GLYR1: variants seen among roughly 807,000 people sequenced by gnomAD.
The protein encoded by GLYR1 is glyoxylate reductase 1 homolog.
GLYR1 carries 21 observed loss-of-function variants against 72.7 expected under a neutral mutation model. The ratio of observed to expected loss-of-function variants is 0.29; its 90% confidence interval spans 0.20 to 0.42. The LOEUF is 0.42. GLYR1 is among the 10% of genes least tolerant of loss of function. The pLI, the probability that GLYR1 is intolerant of heterozygous loss-of-function variation, is 1.00. For missense variants in GLYR1, 594 were observed against 712.1 expected, an observed-to-expected ratio of 0.83 and a Z score of 1.89; for synonymous variants, 392 against 270.2, an observed-to-expected ratio of 1.45 and a Z score of -4.42.
At position 4,847,256 on chromosome 16, in the gene GLYR1, C is replaced by A; in HGVS notation, c.10G>T (p.Val4Leu). 1.9e-6 allele frequency: 3 copies of A among 1,610,200 alleles called. No individual in the cohort carries two copies. The highest frequency in any genetic ancestry group is 2.5e-6 in the Non-Finnish European group (3 of 1,179,042). The change falls in exon 1 of 16, where the codon GTG becomes TTG. Residue 4 changes from valine (V) to leucine (L), a missense_variant. Physicochemically the swap from Val to Leu is conservative, Grantham distance 32. Around this residue, in one of 5 missense-constraint regions of GLYR1, gnomAD observed 62 missense variants for 82.5 expected, o/e 0.75. Transcript: ENST00000321919. The stretch of plus-strand genomic sequence containing the variant: ...ACCAAGTCGCCGAGCCGCAGACTCA[C>A]AGCCGCCATCTTACCACCCAACCAC... MAA[V>L]SLRLGDLVWG... is the part of the protein sequence containing the mutation.
At chr16:4,812,924 G>A (rs1011251421) in intron 12 of GLYR1, among the ~76,000 whole-genome samples, 1 of 149,316 alleles carries the variant, frequency 6.7e-6, no homozygotes, top group Non-Finnish European at 1.5e-5. Flanking sequence ...AGCCTCCTCA[G>A]TAGCTGGGAC....
At chr16:4,819,897 C>A (rs552800270) in intron 9 of GLYR1, among the ~76,000 whole-genome samples, 1 of 152,180 alleles carries the variant, frequency 6.6e-6, no homozygotes, top group Non-Finnish European at 1.5e-5. Context: ...TTTTGTCACT[C>A]ATTATTTGGG....
intron 1 of GLYR1, 191 bp downstream of exon 1, chr16:4,847,037 C>A: frequency 5.2e-6 from 3 of 581,212 alleles, no homozygotes; most frequent in Non-Finnish European, 9.0e-6. Flanking sequence ...ACGTGGCCAC[C>A]CTCGGCCTCG....
At chr16:4,841,031 T>C (rs1810234787) in intron 3 of GLYR1, among the ~76,000 whole-genome samples, 1 of 152,236 alleles carries the variant, frequency 6.6e-6, no homozygotes, top group South Asian at 2.1e-4. Context: ...TTCATTTTTA[T>C]AGTTTAAAAT....
rs371207336 is a variant in GLYR1, at chr16:4,805,200, G to T, written c.*36C>A. On this transcript the variant is annotated 3_prime_UTR_variant, in exon 16 of 16. Transcript: ENST00000321919. ...CCATGTGAGGAAGAGGGGGTCAGAG[G>T]GGGGATTGGAGGGGTGAGGGCGGGG... 1.6e-5 allele frequency: 25 copies of T among 1,585,154 alleles called. No individual in the cohort carries two copies. Among genetic ancestry groups the T allele is most frequent in the East Asian group, 1.3e-4 (6 of 44,734 alleles).
intron 5 of GLYR1, 42 bp from the exon 6 acceptor site, chr16:4,823,949 C>T (rs1311313994): frequency 3.9e-6 from 6 of 1,528,432 alleles, no homozygotes; most frequent in Non-Finnish European, 5.4e-6. Context: ...CACATTCAAA[C>T]CCCAACAAAA....
intron 5 of GLYR1, among the ~76,000 whole-genome samples, chr16:4,826,044 A>G (rs938629299): frequency 1.3e-5 from 2 of 151,932 alleles, no homozygotes; most frequent in African/African-American, 4.8e-5. Context: ...CTGGTGTGGT[A>G]GACACAACTT....
At chr16:4,840,514 T>C (rs1490464271) in intron 3 of GLYR1, among the ~76,000 whole-genome samples, 1 of 152,090 alleles carries the variant, frequency 6.6e-6, no homozygotes, top group African/African-American at 2.4e-5. Context: ...AACTCTCATA[T>C]TCCTTTCTTT....
At chr16:4,831,506 C>A (rs1000366021) in intron 5 of GLYR1, among the ~76,000 whole-genome samples, 1 of 152,194 alleles carries the variant, frequency 6.6e-6, no homozygotes, top group Non-Finnish European at 1.5e-5. Flanking sequence ...GAGCCTCACA[C>A]GGGCTGTGCC....
At position 4,822,913 on chromosome 16, in the gene GLYR1, G is replaced by C; in HGVS notation, c.643C>G (p.Pro215Ala). 1 of 1,614,148 alleles carries C rather than the reference G, an allele frequency of 6.2e-7. No homozygotes were observed. The highest frequency in any genetic ancestry group is 2.2e-5 in the East Asian group (1 of 44,876). Residue 215 changes from proline (P) to alanine (A), a missense_variant, in exon 7 of 16, where the codon CCT becomes GCT. Coordinates refer to ENST00000321919, the MANE Select transcript of GLYR1 (RefSeq NM_032569.4). ...CTTAGCAGGAAATGATGGAAATGAG[G>C]ATCTGCATCTTTAACAGGCTGAAAC... ...TASEPVKDADPHFHHFLLSQT... is the reference protein window; with the variant it reads ...TASEPVKDADAHFHHFLLSQT...
At chr16:4,819,531 G>C (rs1249694297) in intron 9 of GLYR1, among the ~76,000 whole-genome samples, 1 of 152,136 alleles carries the variant, frequency 6.6e-6, no homozygotes. Flanking sequence ...GGCTGGTCAT[G>C]AACTCCTGGC....
intron 3 of GLYR1, among the ~76,000 whole-genome samples, chr16:4,835,838 G>A (rs937939460): frequency 3.3e-5 from 5 of 152,032 alleles, no homozygotes; most frequent in African/African-American, 1.2e-4. Context: ...CTCAAAAACA[G>A]TAACAACAAA....
chr16:4,832,579 A>C (rs998368252), intron 4 of GLYR1, 195 bp downstream of exon 4: 1 of 673,224 alleles, frequency 1.5e-6, no homozygotes, highest in African/African-American at 1.8e-5. Flanking sequence ...AAAAGCAACA[A>C]CCTACTCCAG....
Position 4,832,840 on chromosome 16 carries a change from A to G in GLYR1, c.228T>C (p.Gly76=). 1 of 1,613,642 alleles carries G rather than the reference A, an allele frequency of 6.2e-7. No individual in the cohort carries two copies. Among genetic ancestry groups the G allele is most frequent in the South Asian group, 1.1e-5 (1 of 90,972 alleles). Residue 76 remains glycine (G), a synonymous_variant, in exon 4 of 16, where the codon GGT becomes GGC. Transcript: ENST00000321919. ...HKEEMIKINK[G]KRFQQAVDAV... is the part of the protein sequence containing the mutation. ...CATCTACCGCTTGCTGGAATCGTTT[A>G]CCCTTGTTAATTTTTATCATTTCCT... is the stretch of plus-strand genomic sequence containing the variant.
intron 3 of GLYR1, among the ~76,000 whole-genome samples, 158 bp downstream of exon 3, chr16:4,844,916 A>C (rs956982070): frequency 1.3e-5 from 2 of 152,216 alleles, no homozygotes; most frequent in Non-Finnish European, 1.5e-5. Flanking sequence ...TCTGCAAGAA[A>C]TTGCACCTTT....
At chr16:4,829,210 C>A (rs1412331083) in intron 5 of GLYR1, among the ~76,000 whole-genome samples, 1 of 152,094 alleles carries the variant, frequency 6.6e-6, no homozygotes, top group African/African-American at 2.4e-5. Flanking sequence ...AGGCCTCACA[C>A]TGGCAGCCCA....
intron 6 of GLYR1, 124 bp from the exon 7 acceptor site, chr16:4,823,055 G>T (rs1438581298): frequency 1.2e-6 from 1 of 813,930 alleles, no homozygotes; most frequent in Non-Finnish European, 2.1e-6. Flanking sequence ...TTTCACAATT[G>T]TCTGGAAACT....
In GLYR1 at chr16:4,832,764, T is replaced by C. The variant is rs1394514873; in HGVS notation, c.294+10A>G. On this transcript the variant is annotated intron_variant, in intron 4 of 15. Coordinates refer to ENST00000321919, the MANE Select transcript of GLYR1 (RefSeq NM_032569.4). Reference sequence around the variant, plus strand: ...TGGCATTGGTAGAAAGTGAACATTGTGTCTCTCACCTGGTCTTTCCCTTTG... The same window carrying C: ...TGGCATTGGTAGAAAGTGAACATTGCGTCTCTCACCTGGTCTTTCCCTTTG... 6.3e-7 allele frequency: 1 copy of C among 1,599,420 alleles called. No individual in the cohort carries two copies. Among genetic ancestry groups the C allele is most frequent in the Non-Finnish European group, 8.5e-7 (1 of 1,172,122 alleles).
At chr16:4,836,506 G>T (rs2142027851) in intron 3 of GLYR1, among the ~76,000 whole-genome samples, 1 of 152,270 alleles carries the variant, frequency 6.6e-6, no homozygotes, top group East Asian at 1.9e-4. Context: ...TGCTTTTTAT[G>T]TACAGTAGAA....
Sources: gnomAD v4.1 joint callset for allele counts (sites outside exome capture counted in the v4.1 genomes callset) on GRCh38, gnomAD v4.1.1 for gene constraint, gnomAD v4.1.1 regional missense constraint, MANE v1.5 for transcripts, NCBI Gene and HGNC (gene_info 2026-07-23, HGNC 2026-07-21) for gene names.